PCDHGB6: variants seen among roughly 807,000 people sequenced by gnomAD.
PCDHGB6 encodes protocadherin gamma-B6.
Under a neutral mutation model 59.1 loss-of-function variants are expected in PCDHGB6, and 51 were observed. That is an observed-to-expected ratio of 0.86 (90% CI 0.69 to 1.09). PCDHGB6 has a LOEUF of 1.09. Ranked by LOEUF, PCDHGB6 falls within the 50% of genes least tolerant of loss-of-function variation. The pLI is 0.00. For synonymous variants in PCDHGB6, 466 were observed against 495.1 expected, an observed-to-expected ratio of 0.94 and a Z score of 0.78; for missense variants, 1,148 against 1,205.1, an observed-to-expected ratio of 0.95 and a Z score of 0.70.
At chr5:141,421,966 G>A in intron 1 of PCDHGB6, 1 of 1,610,918 alleles carries the variant, frequency 6.2e-7, no homozygotes, top group Non-Finnish European at 8.5e-7. Flanking sequence ...TACACAGTCC[G>A]TATATCGCGT....
At position 141,485,683 on chromosome 5, in the gene PCDHGB6, T is replaced by C. The variant is rs2099617681; in HGVS notation, c.2419-9124T>C. ...TGGGGAGCAATTCGATTAGCAGCTA[T>C]AGGCTGAGCTCCAATGAACACTTTG... On this transcript the variant is annotated intron_variant, in intron 1 of 3. Coordinates refer to ENST00000520790, the MANE Select transcript of PCDHGB6 (RefSeq NM_018926.3). This position sits in a 1 kb window ranked among gnomAD's most constrained non-coding sequence, Gnocchi z 5.7. 3.7e-6 allele frequency: 6 copies of C among 1,614,042 alleles called. No individual in the cohort carries two copies. The South Asian group carries it at 4.4e-5, about 12-fold the overall frequency.
rs2099692694 is a variant in PCDHGB6, at chr5:141,489,817, GAGCTGGTGCTAGAGCAGC to G, written c.2419-4983_2419-4966del. On this transcript the variant is annotated intron_variant, in intron 1 of 3. Transcript: ENST00000520790. This position sits in a 1 kb window ranked among gnomAD's most constrained non-coding sequence, Gnocchi z 4.5. ...CCTAAAAGATGGGAAGCCATTCCCA[GAGCTGGTGCTAGAGCAGC>G]AGCTGGATCGTGAAGCCCAGGCAAG... 6 of 1,613,992 alleles carry G rather than the reference GAGCTGGTGCTAGAGCAGC, an allele frequency of 3.7e-6. No individual in the cohort carries two copies. Among genetic ancestry groups the G allele is most frequent in the Non-Finnish European group, 5.1e-6 (6 of 1,179,944 alleles).
chr5:141,441,102 C>A (rs1057297804), intron 1 of PCDHGB6: 2 of 152,148 alleles, frequency 1.3e-5, no homozygotes, highest in Non-Finnish European at 2.9e-5. Flanking sequence ...GAGAGGGACT[C>A]ATTGTCCAGT....
chr5:141,496,932 T>G (rs1336402833), intron 2 of PCDHGB6, among the ~76,000 whole-genome samples: 1 of 148,964 alleles, frequency 6.7e-6, no homozygotes, highest in Non-Finnish European at 1.5e-5. Context: ...ACGCCTGTAA[T>G]CCCAGCACTT....
rs2096153349 is a variant in PCDHGB6 at position 141,417,731 on chromosome 5, C to G, written c.2418+7111C>G. 2.2e-6 allele frequency: 3 copies of G among 1,378,810 alleles called. No homozygotes were observed. In the East Asian group the frequency reaches 7.6e-5, roughly 35 times the overall value. 85.4% of individuals were successfully genotyped at this position (1,378,810 alleles called of 1,614,324 possible). A position where few individuals can be genotyped will look rare whatever the true frequency, so the allele number is the denominator to read the frequency against. On this transcript the variant is annotated intron_variant, in intron 1 of 3. Coordinates refer to ENST00000520790, the MANE Select transcript of PCDHGB6 (RefSeq NM_018926.3). ...AGGCTCCCGGCTGCGCAGACCTTGC[C>G]CAGCACACCAGATTGCCAGCTCCGA...
intron 1 of PCDHGB6, among the ~76,000 whole-genome samples, chr5:141,471,163 G>GC (rs202115056): frequency 0.11 from 16,237 of 150,562 alleles, 892 homozygotes; most frequent in South Asian, 0.15. Context: ...GATTCTCCTG[G>GC]CTCAGCCTCC....
rs1408454981 is a variant in PCDHGB6, at chr5:141,489,682, T to C, written c.2419-5125T>C. The C allele has an allele frequency of 6.2e-7, 1 of 1,614,184 alleles. No individual in the cohort carries two copies. The highest frequency in any genetic ancestry group is 8.5e-7 in the Non-Finnish European group (1 of 1,180,024). On this transcript the variant is annotated intron_variant, in intron 1 of 3. Transcript: ENST00000520790. This position sits in a 1 kb window ranked among gnomAD's most constrained non-coding sequence, Gnocchi z 4.5. ...GATGCGCATCTCAGAATCAGCAGCATCTGGGGCACGATTCCCACTGGACAG... is the reference window on the plus strand; with the variant it reads ...GATGCGCATCTCAGAATCAGCAGCACCTGGGGCACGATTCCCACTGGACAG...
chr5:141,486,909 C>T lies in PCDHGB6; in HGVS notation c.2419-7898C>T, dbSNP rs759702188. ...CGGCCTGGTTCCTTATGTCCCCAAGCACTGCCTCCATCAGTTGGTGCTGGC... is the reference window on the plus strand; with the variant it reads ...CGGCCTGGTTCCTTATGTCCCCAAGTACTGCCTCCATCAGTTGGTGCTGGC... On this transcript the variant is annotated intron_variant, in intron 1 of 3. Transcript: ENST00000520790. This position sits in a 1 kb window ranked among gnomAD's most constrained non-coding sequence, Gnocchi z 5.0. 2 of 1,614,262 alleles carry T rather than the reference C, an allele frequency of 1.2e-6. No homozygotes were observed. Among genetic ancestry groups the T allele is most frequent in the Non-Finnish European group, 1.7e-6 (2 of 1,180,054 alleles).
rs1308930168 is a variant in PCDHGB6, at chr5:141,489,620, A to G, written c.2419-5187A>G. 2.5e-6 allele frequency: 4 copies of G among 1,614,058 alleles called. No individual in the cohort carries two copies. Among genetic ancestry groups the G allele is most frequent in the South Asian group, 2.2e-5 (2 of 91,072 alleles). The stretch of plus-strand genomic sequence containing the variant: ...GTAGAGGTAGAGATCCTGGATCTCA[A>G]TGACAACTCTCCTAGCTTTGCCACC... On this transcript the variant is annotated intron_variant, in intron 1 of 3. Transcript: ENST00000520790. This position sits in a 1 kb window ranked among gnomAD's most constrained non-coding sequence, Gnocchi z 4.5.
intron 1 of PCDHGB6, chr5:141,428,018 C>T (rs771831423): frequency 1.9e-6 from 3 of 1,604,570 alleles, no homozygotes; most frequent in Non-Finnish European, 2.6e-6. Flanking sequence ...TAGTGCCACG[C>T]GCCGCAGAGT....
Position 141,486,314 on chromosome 5 carries a change from T to C in PCDHGB6, c.2419-8493T>C, listed in dbSNP as rs775833520. The C allele has an allele frequency of 4.5e-5, 72 of 1,613,758 alleles. No homozygotes were observed. The highest frequency in any genetic ancestry group is 5.9e-5 in the Non-Finnish European group (70 of 1,179,984). On this transcript the variant is annotated intron_variant, in intron 1 of 3. Transcript: ENST00000520790. This position sits in a 1 kb window ranked among gnomAD's most constrained non-coding sequence, Gnocchi z 5.0. ...CAGTGTGCAGGATCCAGACTCAGGG[T>C]CAAACGGAGATGTGAGCCTCCGCAT...
chr5:141,455,855 C>A (rs1267803457), intron 1 of PCDHGB6, among the ~76,000 whole-genome samples: 4 of 147,088 alleles, frequency 2.7e-5, no homozygotes, highest in African/African-American at 1.0e-4. Flanking sequence ...AAAATAATTT[C>A]TTTTATTATT....
rs115565444 is a variant in PCDHGB6 at position 141,487,520 on chromosome 5, G to C, written c.2419-7287G>C. 1 of 1,614,166 alleles carries C rather than the reference G, an allele frequency of 6.2e-7. No individual in the cohort carries two copies. Among genetic ancestry groups the C allele is most frequent in the Non-Finnish European group, 8.5e-7 (1 of 1,180,042 alleles). ...CTTGGCTTCTGCACCCACTCGGAGT[G>C]ATAGCTTCATGATGGTGAAGTCACC... On this transcript the variant is annotated intron_variant, in intron 1 of 3. Coordinates refer to ENST00000520790, the MANE Select transcript of PCDHGB6 (RefSeq NM_018926.3). The surrounding 1 kb of genome is among the most constrained non-coding windows in gnomAD (Gnocchi z 5.0).
Position 141,501,330 on chromosome 5 carries a change from CA to C in PCDHGB6, c.2478-4062del, listed in dbSNP as rs1562200936. 1.8e-3 allele frequency among the ~76,000 whole-genome samples: 266 copies of C among 151,500 alleles called. 1 individual carries two copies. Among genetic ancestry groups the C allele is most frequent in the African/African-American group, 5.1e-3 (210 of 41,250 alleles). On this transcript the variant is annotated intron_variant, in intron 2 of 3. Transcript: ENST00000520790. ...ACACACACACACACACACACACACACACACCCCAAACTCAATAGGGCAAGAA... is the reference window on the plus strand; with the variant it reads ...ACACACACACACACACACACACACACCACCCCAAACTCAATAGGGCAAGAA...
chr5:141,420,269 A>C, intron 1 of PCDHGB6: 1 of 1,544,558 alleles, frequency 6.5e-7, no homozygotes, highest in Non-Finnish European at 8.8e-7. Flanking sequence ...GAAGATTCTT[A>C]AACAGGTAAG....
In PCDHGB6 at chr5:141,486,128, G is replaced by C. The variant is rs1447222839; in HGVS notation, c.2419-8679G>C. ...TGAGAGTGAGAATTACTATGAATTT[G>C]ATGTGCGGGCTCGCGATGGGGGTTC... is the stretch of plus-strand genomic sequence containing the variant. On this transcript the variant is annotated intron_variant, in intron 1 of 3. Transcript: ENST00000520790. This position sits in a 1 kb window ranked among gnomAD's most constrained non-coding sequence, Gnocchi z 5.0. 6.2e-7 allele frequency: 1 copy of C among 1,614,066 alleles called. No homozygotes were observed. Among genetic ancestry groups the C allele is most frequent in the Non-Finnish European group, 8.5e-7 (1 of 1,180,034 alleles).
At position 141,491,084 on chromosome 5, in the gene PCDHGB6, C is replaced by T; in HGVS notation, c.2419-3723C>T. On this transcript the variant is annotated intron_variant, in intron 1 of 3. Transcript: ENST00000520790. This position sits in a 1 kb window ranked among gnomAD's most constrained non-coding sequence, Gnocchi z 6.9. ...TACTCACTGTTGCCACAGTCCACAGCCCCAGGACTGTTCCTCGTGTCTACA... is the reference window on the plus strand; with the variant it reads ...TACTCACTGTTGCCACAGTCCACAGTCCCAGGACTGTTCCTCGTGTCTACA... The T allele has an allele frequency of 6.2e-7, 1 of 1,614,106 alleles. No homozygotes were observed. The highest frequency in any genetic ancestry group is 1.1e-5 in the South Asian group (1 of 91,082).
Position 141,431,473 on chromosome 5 carries a change from C to A in PCDHGB6, c.2418+20853C>A, listed in dbSNP as rs750300971. 16 of 1,613,714 alleles carry A rather than the reference C, an allele frequency of 9.9e-6. 1 individual carries two copies. The highest frequency in any genetic ancestry group is 9.3e-5 in the African/African-American group (7 of 74,948). On this transcript the variant is annotated intron_variant, in intron 1 of 3. Transcript: ENST00000520790. This position sits in a 1 kb window ranked among gnomAD's most constrained non-coding sequence, Gnocchi z 4.8. Reference sequence around the variant, plus strand: ...TGATGGTTCTGGATGCGAACGACAACGCACCAGCGTTTGCTCAGCCCGAGT... The same window carrying A: ...TGATGGTTCTGGATGCGAACGACAAAGCACCAGCGTTTGCTCAGCCCGAGT...
Position 141,431,336 on chromosome 5 carries a change from G to C in PCDHGB6, c.2418+20716G>C, listed in dbSNP as rs1187672228. ...TGGAGCCGACGGTAGTAAGTACCCC[G>C]AATTGGTGCTGAAACGCGCCCTGGA... On this transcript the variant is annotated intron_variant, in intron 1 of 3. Transcript: ENST00000520790. The surrounding 1 kb of genome is among the most constrained non-coding windows in gnomAD (Gnocchi z 4.8). 2.5e-6 allele frequency: 4 copies of C among 1,613,956 alleles called. No individual in the cohort carries two copies. The East Asian group carries it at 6.7e-5, about 27-fold the overall frequency.
Sources: allele counts gnomAD v4.1 joint callset (sites outside exome capture counted in the v4.1 genomes callset), GRCh38; gene constraint gnomAD v4.1.1; non-coding constraint Gnocchi (gnomAD v3.1); transcripts MANE v1.5; gene names NCBI Gene and HGNC (gene_info 2026-07-23, HGNC 2026-07-21).